The following PARP14 variants were observed in gnomAD, a reference collection of about 807,000 sequenced individuals.
PARP14 encodes the protein protein mono-ADP-ribosyltransferase PARP14.
A neutral mutation model predicts 154.2 loss-of-function variants in PARP14; 59 were observed. The observed-to-expected ratio is 0.38, with a 90% confidence interval of 0.31 to 0.48. The LOEUF (loss-of-function observed/expected upper bound fraction) is 0.48. Ranked by LOEUF, PARP14 falls within the 20% of genes least tolerant of loss-of-function variation. The probability of loss-of-function intolerance (pLI) is 0.98; values close to 1 mark genes in which losing one functional copy is unlikely to be tolerated. For synonymous variants in PARP14, 720 were observed against 780.5 expected (o/e 0.92, Z 1.29); for missense variants, 1,734 against 2,131.6 (o/e 0.81, Z 3.67).
rs190956613 is a variant in PARP14, at chr3:122,718,199, G to A, written c.4129G>A (p.Asp1377Asn). Residue 1377 changes from aspartate (D) to asparagine (N), a missense_variant, in exon 13 of 17, where the codon GAT (aspartate) becomes AAT (asparagine). Coordinates refer to ENST00000474629, the MANE Select transcript of PARP14 (RefSeq NM_017554.3). The part of the protein sequence containing the change: ...KVVIFLPQVL[D>N]VFYANMKKRE... ...TGTTATCTTTCTGCCTCAAGTACTG[G>A]ATGTGTTTTATGCCAACATGAAGAA... The A allele has an allele frequency of 6.2e-7, 1 of 1,613,614 alleles. No individual in the cohort carries two copies. Among genetic ancestry groups the A allele is most frequent in the East Asian group, 2.2e-5 (1 of 44,868 alleles).
Position 122,701,282 on chromosome 3 carries a change from A to G in PARP14, c.2728A>G (p.Lys910Glu), listed in dbSNP as rs767326477. 6.2e-7 allele frequency: 1 copy of G among 1,614,018 alleles called. No individual in the cohort carries two copies. Among genetic ancestry groups the G allele is most frequent in the Non-Finnish European group, 8.5e-7 (1 of 1,179,890 alleles). Residue 910 changes from lysine (K) to glutamate (E), a missense_variant, in exon 6 of 17, where the codon AAA becomes GAA. Lys to Glu is a moderately conservative substitution (Grantham distance 56). Around this residue, in one of 2 missense-constraint regions of PARP14, gnomAD observed 1,646 missense variants for 1,976.0 expected, o/e 0.83. Transcript: ENST00000474629. The surrounding 1 kb of genome is among the most constrained non-coding windows in gnomAD (Gnocchi z 4.0). ...AVQLSLCLAE[K>E]YKYRSIAIPA... The stretch of plus-strand genomic sequence containing the variant: ...GCAACTCAGTCTCTGTCTAGCCGAA[A>G]AATACAAGTACCGATCCATAGCCAT...
rs549386463 is a variant in PARP14 at position 122,684,722 on chromosome 3, C to T, written c.188-463C>T. Among the ~76,000 whole-genome samples, 10 of 152,234 alleles carry T rather than the reference C, an allele frequency of 6.6e-5. No homozygotes were observed. In the South Asian group the frequency reaches 1.5e-3, roughly 22 times the overall value. On this transcript the variant is annotated intron_variant, in intron 1 of 16. Transcript: ENST00000474629. ...CAGCCACCTAGCCACCTTCCTAAAA[C>T]GTGACTTTCATCATGGCATGTCCCA...
chr3:122,718,632 T>C lies in PARP14; in HGVS notation c.4481T>C (p.Leu1494Ser). The C allele has an allele frequency of 1.9e-6, 3 of 1,613,900 alleles. No homozygotes were observed. The highest frequency in any genetic ancestry group is 2.5e-6 in the Non-Finnish European group (3 of 1,179,806). The change falls in exon 14 of 17, where the codon TTG becomes TCG. Residue 1494 changes from leucine (L) to serine (S), a missense_variant. Transcript: ENST00000474629. Reference protein sequence around the residue: ...INISLDHKRPLIKVLGISRDV... With the variant: ...INISLDHKRPSIKVLGISRDV... Reference sequence around the variant, plus strand: ...ATTTCCCTGGACCATAAGAGACCTTTGATTAAGGTTTTGGGAATTAGCAGA... The same window carrying C: ...ATTTCCCTGGACCATAAGAGACCTTCGATTAAGGTTTTGGGAATTAGCAGA...
chr3:122,709,671 T>C (rs1405235312), intron 9 of PARP14, among the ~76,000 whole-genome samples: 3 of 152,210 alleles, frequency 2.0e-5, no homozygotes, highest in African/African-American at 7.2e-5. Context: ...AATGTAAAAG[T>C]GATCCCTTTT....
chr3:122,728,366 T>G lies in PARP14; in HGVS notation c.5175T>G (p.Asp1725Glu). 1 of 1,613,548 alleles carries G rather than the reference T, an allele frequency of 6.2e-7. No homozygotes were observed. The highest frequency in any genetic ancestry group is 8.5e-7 in the Non-Finnish European group (1 of 1,179,426). Residue 1725 changes from aspartate to glutamate, a missense_variant, in exon 17 of 17, where the codon GAT becomes GAG. Physicochemically the swap from Asp to Glu is conservative, Grantham distance 45. This residue lies in a region of PARP14 where 88 missense variants were observed against 155.6 expected (regional missense o/e 0.57). Transcript: ENST00000474629. The stretch of plus-strand genomic sequence containing the variant: ...TCAATGCCAATTATTCTGCCAATGA[T>G]ACGTACTCCAGACCAGATGCAAATG... Reference protein sequence around the residue: ...FAVNANYSANDTYSRPDANGR... With the variant: ...FAVNANYSANETYSRPDANGR...
At chr3:122,705,654 G>T (rs1939130986) in intron 8 of PARP14, among the ~76,000 whole-genome samples, 1 of 152,154 alleles carries the variant, frequency 6.6e-6, no homozygotes, top group African/African-American at 2.4e-5. Flanking sequence ...TGTTTGAAAA[G>T]CTCCCAAGGT....
chr3:122,720,782 T>A (rs16833452), intron 15 of PARP14: 21,424 of 458,078 alleles, frequency 0.047, 598 homozygotes, highest in African/African-American at 0.096. Context: ...GCTTCCTTGA[T>A]AAAGCCAGCA....
chr3:122,681,326 CTCTT>C lies in PARP14; in HGVS notation c.187+258_187+261del, dbSNP rs1432368048. 6.6e-6 allele frequency among the ~76,000 whole-genome samples: 1 copy of C among 152,244 alleles called. No homozygotes were observed. The highest frequency in any genetic ancestry group is 1.5e-5 in the Non-Finnish European group (1 of 68,038). On this transcript the variant is annotated intron_variant, in intron 1 of 16. Transcript: ENST00000474629. This position sits in a 1 kb window ranked among gnomAD's most constrained non-coding sequence, Gnocchi z 5.5. ...GGTGGCGGCGGAACCGCGCAAGTAA[CTCTT>C]TATCCCTCGATCGTTTTCTGTCTTT...
In PARP14 at chr3:122,728,893, A is replaced by G. The variant is rs748576050; in HGVS notation, c.*296A>G. The G allele has an allele frequency of 2.3e-5, 8 of 344,202 alleles. No homozygotes were observed. Among genetic ancestry groups the G allele is most frequent in the Non-Finnish European group, 3.3e-5 (6 of 182,402 alleles). The allele number at this position is 344,202 out of a possible 1,614,324, so 21.3% of individuals were successfully genotyped here. A position where few individuals can be genotyped will look rare whatever the true frequency, so the allele number is the denominator to read the frequency against. On this transcript the variant is annotated 3_prime_UTR_variant, in exon 17 of 17. Coordinates refer to ENST00000474629, the MANE Select transcript of PARP14 (RefSeq NM_017554.3). The stretch of plus-strand genomic sequence containing the variant: ...ACAGGTTTGTATTTTCAGGAAGGAG[A>G]GAATAACAGTCTTATAGACAGAGGG...
intron 14 of PARP14, among the ~76,000 whole-genome samples, chr3:122,719,963 C>G (rs370040807): frequency 1.4e-3 from 209 of 152,314 alleles, no homozygotes; most frequent in African/African-American, 4.8e-3. Context: ...ACTGCACCAA[C>G]AGTTCTCAAA....
In PARP14 at chr3:122,708,249, G is replaced by A. The variant is rs1417349843; in HGVS notation, c.3600G>A (p.Pro1200=). ...ANGNLVSDKI[P]KAKDTQGFYG... ...GAAATCTCGTCAGTGACAAAATTCC[G>A]AAGGCTAAAGATACACAAGGTTCAG... The change falls in exon 9 of 17, where the codon CCG becomes CCA. Residue 1200 remains proline, a synonymous_variant. Transcript: ENST00000474629. The A allele has an allele frequency of 7.0e-6, 11 of 1,563,500 alleles. No homozygotes were observed. The highest frequency in any genetic ancestry group is 3.7e-5 in the Admixed American group (2 of 54,054).
chr3:122,688,096 TG>T (rs1938428346), intron 3 of PARP14, among the ~76,000 whole-genome samples: 1 of 152,004 alleles, frequency 6.6e-6, no homozygotes, highest in South Asian at 2.1e-4. Flanking sequence ...TTTTTTTTTT[TG>T]TCTCTTTAGA....
At chr3:122,688,807 T>C (rs1938453620) in intron 3 of PARP14, among the ~76,000 whole-genome samples, 1 of 152,156 alleles carries the variant, frequency 6.6e-6, no homozygotes, top group South Asian at 2.1e-4. Context: ...ACAACAGCCC[T>C]GGTGCAGAAG....
At chr3:122,704,003 A>G in intron 7 of PARP14, 25 bp downstream of exon 7, 5 of 1,546,880 alleles carry the variant, frequency 3.2e-6, no homozygotes, top group Admixed American at 1.7e-5. Context: ...TGAATTCTCC[A>G]TGAAGTTGGG....
At chr3:122,685,945 T>C (rs1320456927) in intron 2 of PARP14, among the ~76,000 whole-genome samples, 1 of 152,198 alleles carries the variant, frequency 6.6e-6, no homozygotes, top group African/African-American at 2.4e-5. Context: ...TATATTTGTT[T>C]TATTTTCTAT....
At chr3:122,709,204 CT>C (rs1193445403) in intron 9 of PARP14, among the ~76,000 whole-genome samples, 1 of 151,870 alleles carries the variant, frequency 6.6e-6, no homozygotes, top group Non-Finnish European at 1.5e-5. Flanking sequence ...CCTCATCCCC[CT>C]CTCAACCTTC....
In PARP14 at chr3:122,699,475, C is replaced by G; in HGVS notation, c.921C>G (p.Ala307=). The G allele has an allele frequency of 1.2e-6, 2 of 1,613,758 alleles. No homozygotes were observed. Among genetic ancestry groups the G allele is most frequent in the Admixed American group, 1.7e-5 (1 of 60,030 alleles). Reference sequence around the variant, plus strand: ...CATACTATGCCTCATTGGGCACAGCCTTGTATGGAAAGGAGAAGCCTCTGA... The same window carrying G: ...CATACTATGCCTCATTGGGCACAGCGTTGTATGGAAAGGAGAAGCCTCTGA... ...VFPYYASLGT[A]LYGKEKPLIK... The change falls in exon 6 of 17, where the codon GCC becomes GCG. Residue 307 remains alanine (A), a synonymous_variant. Coordinates refer to ENST00000474629, the MANE Select transcript of PARP14 (RefSeq NM_017554.3).
intron 5 of PARP14, 52 bp downstream of exon 5, chr3:122,695,714 G>C (rs1331119157): frequency 1.3e-6 from 1 of 781,900 alleles, no homozygotes. Flanking sequence ...ATTATTAGCA[G>C]AGCTTAATAG....
At chr3:122,728,197 C>A in intron 16 of PARP14, 111 bp from the exon 17 acceptor site, 2 of 1,078,004 alleles carry the variant, frequency 1.9e-6, no homozygotes, top group South Asian at 1.6e-5. Flanking sequence ...GAAAAGCACA[C>A]ACAAAAAATT....
Sources: gnomAD v4.1 joint callset for allele counts (sites outside exome capture counted in the v4.1 genomes callset) on GRCh38, gnomAD v4.1.1 for gene constraint, gnomAD v4.1.1 regional missense constraint, Gnocchi (gnomAD v3.1) non-coding constraint, MANE v1.5 for transcripts, NCBI Gene and HGNC (gene_info 2026-07-23, HGNC 2026-07-21) for gene names.